GRM7: variants seen among roughly 807,000 people sequenced by gnomAD.
GRM7 encodes glutamate metabotropic receptor 7.
Under a neutral mutation model 84.5 loss-of-function variants are expected in GRM7, and 35 were observed. That is an observed-to-expected ratio of 0.41 (90% CI 0.32 to 0.55). The LOEUF (loss-of-function observed/expected upper bound fraction) is 0.55. Among genes scored for constraint, GRM7 ranks in the 20% least tolerant of loss-of-function variants. The probability of loss-of-function intolerance (pLI) is 0.19; values close to 1 mark genes in which losing one functional copy is unlikely to be tolerated. For missense variants in GRM7, 1,003 were observed against 1,194.6 expected (o/e 0.84, Z 2.36); for synonymous variants, 487 against 455.1 (o/e 1.07, Z -0.89).
intron 1 of GRM7, among the ~76,000 whole-genome samples, chr3:7,087,842 G>C (rs1046785293): frequency 6.6e-6 from 1 of 152,186 alleles, no homozygotes; most frequent in Non-Finnish European, 1.5e-5. Context: ...TTATATAGAT[G>C]TGTAATGACT....
At chr3:7,282,916 A>C (rs1284530843) in intron 2 of GRM7, among the ~76,000 whole-genome samples, 2 of 152,194 alleles carry the variant, frequency 1.3e-5, no homozygotes, top group Admixed American at 1.3e-4. Context: ...CATTCTATCC[A>C]AGGATTAACC....
At chr3:7,672,833 G>A (rs1045571753) in intron 8 of GRM7, among the ~76,000 whole-genome samples, 1 of 151,974 alleles carries the variant, frequency 6.6e-6, no homozygotes, top group Non-Finnish European at 1.5e-5. Context: ...CTGACCTCAT[G>A]ATCCGCCTGC....
chr3:7,560,399 G>A (rs1231835609), intron 7 of GRM7: 1 of 152,080 alleles, frequency 6.6e-6, no homozygotes, highest in African/African-American at 2.4e-5. Flanking sequence ...ATGTGTGATA[G>A]TTCTCAGCTC....
intron 6 of GRM7, among the ~76,000 whole-genome samples, chr3:7,457,332 A>G (rs1698060081): frequency 6.6e-6 from 1 of 152,184 alleles, no homozygotes; most frequent in South Asian, 2.1e-4. Flanking sequence ...GAGGAAAGAA[A>G]TGGGTAATTT....
intron 8 of GRM7, among the ~76,000 whole-genome samples, chr3:7,593,538 G>T (rs1695893625): frequency 6.6e-6 from 1 of 152,214 alleles, no homozygotes. Context: ...CTGGACTCCT[G>T]TATTAGATGT....
intron 9 of GRM7, among the ~76,000 whole-genome samples, chr3:7,720,329 A>G (rs1249739388): frequency 2.6e-5 from 4 of 152,108 alleles, no homozygotes; most frequent in African/African-American, 9.7e-5. Context: ...TCCTCCAGCC[A>G]TAACCATTTC....
intron 1 of GRM7, among the ~76,000 whole-genome samples, chr3:7,016,282 A>G (rs1455842348): frequency 5.3e-5 from 8 of 152,186 alleles, no homozygotes; most frequent in Non-Finnish European, 5.9e-5. Context: ...CAGAAAACCA[A>G]TTACTGAGAC....
rs144643762 is a variant in GRM7, at chr3:7,326,526, A to T, written c.1033+19874A>T. ...TACGTATCAAGAGAAAGGAAAAGATATTGAGCAGAAGCAAAGGACATTTAG... is the reference window on the plus strand; with the variant it reads ...TACGTATCAAGAGAAAGGAAAAGATTTTGAGCAGAAGCAAAGGACATTTAG... On this transcript the variant is annotated intron_variant, in intron 4 of 9. Transcript: ENST00000357716. Among the ~76,000 whole-genome samples the T allele has an allele frequency of 2.6e-3, 400 of 152,248 alleles. 3 individuals are homozygous for T. Among genetic ancestry groups the T allele is most frequent in the African/African-American group, 8.5e-3 (355 of 41,532 alleles).
Position 7,476,800 on chromosome 3 carries a change from CCTCT to C in GRM7, c.1515+15081_1515+15084del, listed in dbSNP as rs1222422128. On this transcript the variant is annotated intron_variant, in intron 7 of 9. Coordinates refer to ENST00000357716, the MANE Select transcript of GRM7 (RefSeq NM_000844.4). ...CATACCCACACTTCTGTCTCAAAGA[CCTCT>C]CTGACTGTCTTGAATCTGTCACATT... Among the ~76,000 whole-genome samples, 5 of 152,280 alleles carry C rather than the reference CCTCT, an allele frequency of 3.3e-5. No homozygotes were observed. In the South Asian group the frequency reaches 8.3e-4, roughly 25 times the overall value.
intron 4 of GRM7, among the ~76,000 whole-genome samples, chr3:7,317,955 T>C (rs377013294): frequency 1.3e-5 from 2 of 151,870 alleles, no homozygotes; most frequent in African/African-American, 4.8e-5. Flanking sequence ...TAAACAACAA[T>C]GAATGGCATT....
chr3:7,034,877 G>A (rs545554235), intron 1 of GRM7, among the ~76,000 whole-genome samples: 21 of 152,350 alleles, frequency 1.4e-4, no homozygotes, highest in Non-Finnish European at 2.9e-4. Context: ...CAGGGTGGCA[G>A]TGTGGAGAAG....
intron 8 of GRM7, among the ~76,000 whole-genome samples, chr3:7,611,203 C>G (rs191795659): frequency 6.6e-6 from 1 of 152,020 alleles, no homozygotes; most frequent in Non-Finnish European, 1.5e-5. Context: ...TGGATTATTG[C>G]GAAAGATTTA....
chr3:7,340,627 G>A (rs773939588), intron 4 of GRM7, among the ~76,000 whole-genome samples: 6 of 152,076 alleles, frequency 3.9e-5, no homozygotes, highest in Non-Finnish European at 5.9e-5. Flanking sequence ...CTGGGTTTCC[G>A]TGATATCCAG....
At chr3:7,211,970 A>G (rs1193699637) in intron 2 of GRM7, among the ~76,000 whole-genome samples, 10 of 151,440 alleles carry the variant, frequency 6.6e-5, no homozygotes, top group African/African-American at 2.2e-4. Flanking sequence ...TCTCCAATTA[A>G]CTGATGCAGT....
chr3:6,877,103 A>G (rs929936554), intron 1 of GRM7, among the ~76,000 whole-genome samples: 1 of 152,224 alleles, frequency 6.6e-6, no homozygotes, highest in African/African-American at 2.4e-5. Context: ...ATTAATAAAT[A>G]AATCCATTCA....
At chr3:7,516,094 G>T (rs1427683828) in intron 7 of GRM7, among the ~76,000 whole-genome samples, 1 of 148,744 alleles carries the variant, frequency 6.7e-6, no homozygotes, top group Non-Finnish European at 1.5e-5. Flanking sequence ...GAGGCTGGAA[G>T]GTAGAGCCCG....
intron 2 of GRM7, among the ~76,000 whole-genome samples, chr3:7,186,020 A>G (rs888083568): frequency 8.6e-5 from 13 of 151,886 alleles, no homozygotes; most frequent in South Asian, 2.1e-4. Context: ...AAGATCTACA[A>G]TTTTCATACC....
chr3:6,971,956 A>G (rs1693775502), intron 1 of GRM7, among the ~76,000 whole-genome samples: 1 of 152,226 alleles, frequency 6.6e-6, no homozygotes, highest in Admixed American at 6.5e-5. Context: ...GATTAATAAT[A>G]GCATTTTAGA....
intron 4 of GRM7, among the ~76,000 whole-genome samples, chr3:7,394,307 G>A (rs1330544547): frequency 2.0e-5 from 3 of 152,144 alleles, no homozygotes; most frequent in Non-Finnish European, 4.4e-5. Context: ...CATTTCTTCT[G>A]CTCGTTCACA....
Sources: gnomAD v4.1 joint callset for allele counts (sites outside exome capture counted in the v4.1 genomes callset) on GRCh38, gnomAD v4.1.1 for gene constraint, MANE v1.5 for transcripts, NCBI Gene and HGNC (gene_info 2026-07-23, HGNC 2026-07-21) for gene names.